Variants in SPRED2 observed in about 807,000 individuals in gnomAD.
The protein encoded by SPRED2 is sprouty related EVH1 domain containing 2.
SPRED2 carries 47 observed loss-of-function variants against 43.0 expected under a neutral mutation model. The ratio of observed to expected loss-of-function variants is 1.09; its 90% CI spans 0.87 to 1.40. The LOEUF (loss-of-function observed/expected upper bound fraction) is 1.40, where lower values mean the gene tolerates loss of function less well. Ranked by LOEUF, SPRED2 falls within the 40% of genes most tolerant of loss-of-function variation. SPRED2 has a pLI of 0.00. For synonymous variants in SPRED2, 225 were observed against 225.7 expected, an observed-to-expected ratio of 1.00 and a Z score of 0.03; for missense variants, 561 against 586.4, an observed-to-expected ratio of 0.96 and a Z score of 0.45.
intron 4 of SPRED2, among the ~76,000 whole-genome samples, chr2:65,330,960 A>G (rs562561773): frequency 2.8e-4 from 42 of 149,886 alleles, no homozygotes; most frequent in African/African-American, 1.0e-3. Context: ...GTGTGCTTGA[A>G]AAGTTTTATA....
intron 1 of SPRED2, chr2:65,366,791 G>C: frequency 7.6e-7 from 1 of 1,312,652 alleles, no homozygotes; most frequent in Non-Finnish European, 9.7e-7. Context: ...GTCATCCGAG[G>C]GTTAGTCCGC....
intron 1 of SPRED2, among the ~76,000 whole-genome samples, chr2:65,430,341 A>T (rs1676648248): frequency 1.3e-5 from 2 of 152,188 alleles, no homozygotes; most frequent in South Asian, 4.1e-4. Flanking sequence ...CTCTCCTGTG[A>T]CGGCTGTCTG....
chr2:65,350,750 G>C (rs1033639974), intron 1 of SPRED2, among the ~76,000 whole-genome samples: 2 of 152,194 alleles, frequency 1.3e-5, no homozygotes, highest in Non-Finnish European at 2.9e-5. Context: ...TTAGACCTCA[G>C]CCTTTATGTT....
chr2:65,372,161 A>T (rs1227740136), intron 1 of SPRED2, among the ~76,000 whole-genome samples: 1 of 152,164 alleles, frequency 6.6e-6, no homozygotes, highest in East Asian at 1.9e-4. Context: ...CTTTAGGGAA[A>T]GGCAAAGGGA....
At chr2:65,405,843 A>G (rs528839953) in intron 1 of SPRED2, among the ~76,000 whole-genome samples, 77 of 151,794 alleles carry the variant, frequency 5.1e-4, no homozygotes, top group Non-Finnish European at 7.9e-4. Flanking sequence ...TCCCACCCAG[A>G]GCACTCCTAT....
intron 1 of SPRED2, among the ~76,000 whole-genome samples, chr2:65,402,140 G>T (rs1558685828): frequency 6.6e-6 from 1 of 151,666 alleles, no homozygotes; most frequent in Admixed American, 6.6e-5. Flanking sequence ...TTAGCTGGGC[G>T]TGGTGGCATG....
intron 1 of SPRED2, among the ~76,000 whole-genome samples, chr2:65,354,134 CGGCA>C (rs1195457720): frequency 6.6e-6 from 1 of 152,142 alleles, no homozygotes; most frequent in African/African-American, 2.4e-5. Context: ...GGGAAAATAC[CGGCA>C]GGCAATTAGG....
intron 1 of SPRED2, chr2:65,373,842 G>T (rs550731511): frequency 2.0e-4 from 31 of 152,178 alleles, no homozygotes; most frequent in Non-Finnish European, 2.9e-4. Context: ...GGCTTCTACA[G>T]GGGGTAGAGA....
chr2:65,346,805 T>C (rs1674363240), intron 1 of SPRED2, among the ~76,000 whole-genome samples: 1 of 152,162 alleles, frequency 6.6e-6, no homozygotes, highest in South Asian at 2.1e-4. Flanking sequence ...CAACCCTTCT[T>C]CAGTCTTCTA....
At position 65,432,096 on chromosome 2, in the gene SPRED2, A is replaced by T; in HGVS notation, c.-109T>A. The stretch of plus-strand genomic sequence containing the variant: ...TCTCCGGAGATCGCCTGATTTGGGG[A>T]GGGGGGGCGGCTAGAGATGAAGAGG... On this transcript the variant is annotated 5_prime_UTR_variant, in exon 1 of 6. Coordinates refer to ENST00000356388, the MANE Select transcript of SPRED2 (RefSeq NM_181784.3). The T allele has an allele frequency of 7.0e-7, 1 of 1,438,210 alleles. No individual in the cohort carries two copies. Among genetic ancestry groups the T allele is most frequent in the Non-Finnish European group, 9.6e-7 (1 of 1,038,220 alleles). The allele number at this position is 1,438,210 out of a possible 1,614,324, so 89.1% of individuals were successfully genotyped here.
chr2:65,390,826 C>T (rs1005045358), intron 1 of SPRED2, among the ~76,000 whole-genome samples: 1 of 152,172 alleles, frequency 6.6e-6, no homozygotes, highest in South Asian at 2.1e-4. Context: ...TGGCTCATGC[C>T]TGTAATCCCA....
At chr2:65,349,308 C>CAAAAAAAAAAAAAA (rs59019958) in intron 1 of SPRED2, among the ~76,000 whole-genome samples, 1 of 83,698 alleles carries the variant, frequency 1.2e-5, no homozygotes. Context: ...GACTCTGTCT[C>CAAAAAAAAAAAAAA]AAAAAAAAAA....
intron 5 of SPRED2, 148 bp downstream of exon 5, chr2:65,316,586 A>G: frequency 1.0e-6 from 1 of 967,142 alleles, no homozygotes; most frequent in African/African-American, 1.6e-5. Flanking sequence ...TGCCACCACC[A>G]ATGCCACTTT....
At chr2:65,391,950 T>C (rs571825767) in intron 1 of SPRED2, among the ~76,000 whole-genome samples, 27 of 152,300 alleles carry the variant, frequency 1.8e-4, no homozygotes, top group Admixed American at 1.6e-3. Flanking sequence ...TAGTCAACTA[T>C]ATATTTCTTT....
Position 65,313,303 on chromosome 2 carries a change from A to G in SPRED2, c.*198T>C, listed in dbSNP as rs1673122315. 1.4e-6 allele frequency: 2 copies of G among 1,428,616 alleles called. No individual in the cohort carries two copies. Among genetic ancestry groups the G allele is most frequent in the Admixed American group, 3.0e-5 (1 of 33,346 alleles). 88.5% of individuals were successfully genotyped at this position (1,428,616 alleles called of 1,614,324 possible). ...GTGTGTGTATGGATGTGGCTGCTGC[A>G]GTGTGGGCGGCAGGGGGAGTGGAGA... On this transcript the variant is annotated 3_prime_UTR_variant, in exon 6 of 6. Transcript: ENST00000356388.
At chr2:65,369,273 ACACACACACATACAC>A (rs1675059664) in intron 1 of SPRED2, among the ~76,000 whole-genome samples, 2 of 83,928 alleles carry the variant, frequency 2.4e-5, no homozygotes, top group Non-Finnish European at 6.1e-5. Flanking sequence ...ACACATACAC[ACACACACACATACAC>A]ACACACATGC....
chr2:65,426,666 C>T (rs1255614736), intron 1 of SPRED2, among the ~76,000 whole-genome samples: 1 of 152,074 alleles, frequency 6.6e-6, no homozygotes, highest in East Asian at 1.9e-4. Flanking sequence ...AAAAGGACCA[C>T]CCAAACGCAA....
At chr2:65,396,946 A>G (rs1421572066) in intron 1 of SPRED2, among the ~76,000 whole-genome samples, 1 of 152,200 alleles carries the variant, frequency 6.6e-6, no homozygotes, top group Non-Finnish European at 1.5e-5. Context: ...CCTTAAAAGC[A>G]TGTGCTGGTA....
intron 1 of SPRED2, among the ~76,000 whole-genome samples, chr2:65,405,471 A>C (rs376085377): frequency 8.5e-5 from 13 of 152,326 alleles, no homozygotes; most frequent in African/African-American, 3.1e-4. Context: ...TAACATGTTT[A>C]AGGCTGAGTC....
Sources: allele counts gnomAD v4.1 joint callset (sites outside exome capture counted in the v4.1 genomes callset), GRCh38; gene constraint gnomAD v4.1.1; transcripts MANE v1.5; gene names NCBI Gene and HGNC (gene_info 2026-07-23, HGNC 2026-07-21).